Variants in OPHN1 observed in about 807,000 individuals in gnomAD.
OPHN1 encodes oligophrenin-1.
Under a neutral mutation model 60.7 loss-of-function variants are expected in OPHN1, and 11 were observed. The observed-to-expected ratio is 0.18, with a 90% confidence interval of 0.11 to 0.30. The LOEUF (loss-of-function observed/expected upper bound fraction) is 0.30, where lower values mean the gene tolerates loss of function less well. Ranked by LOEUF, OPHN1 falls within the 10% of genes least tolerant of loss-of-function variation. OPHN1 has a pLI of 1.00. For missense variants in OPHN1, 449 were observed against 611.0 expected (o/e 0.73, Z 2.80); for synonymous variants, 226 against 222.6 (o/e 1.02, Z -0.14).
chrX:68,168,833 T>C (rs1402731052), intron 15 of OPHN1, among the ~76,000 whole-genome samples: 1 of 110,805 alleles, frequency 9.0e-6, no homozygotes, highest in Non-Finnish European at 1.9e-5. Flanking sequence ...TCACCACCAA[T>C]CCCACAGAAA....
chrX:68,184,086 C>T (rs2077450630), intron 15 of OPHN1, among the ~76,000 whole-genome samples: 1 of 111,603 alleles, frequency 9.0e-6, no homozygotes, highest in Non-Finnish European at 1.9e-5. Flanking sequence ...AGAAGATATA[C>T]CTAATGCTAA....
intron 15 of OPHN1, among the ~76,000 whole-genome samples, chrX:68,170,822 A>G (rs79878089): frequency 0.12 from 12,768 of 102,429 alleles, 741 homozygotes; most frequent in African/African-American, 0.18. Context: ...TAGGAGATAT[A>G]CCTAATGCTA....
At chrX:68,084,290 T>C (rs1004383852) in intron 19 of OPHN1, among the ~76,000 whole-genome samples, 21 of 83,702 alleles carry the variant, frequency 2.5e-4, no homozygotes, top group Non-Finnish European at 3.9e-4. Flanking sequence ...TATGTTTCCT[T>C]AGAGAAAGAG....
chrX:68,067,937 T>C lies in OPHN1; in HGVS notation c.1835-3760A>G, dbSNP rs375611770. Among the ~76,000 whole-genome samples the C allele has an allele frequency of 1.3e-4, 15 of 111,809 alleles. No individual in the cohort carries two copies. The East Asian group carries it at 4.0e-3, about 29-fold the overall frequency. On this transcript the variant is annotated intron_variant, in intron 20 of 24. Coordinates refer to ENST00000355520, the MANE Select transcript of OPHN1 (RefSeq NM_002547.3). ...TAGGATAAGATAGATGAGTGCAAAT[T>C]GTTCTGTCATTTAGTAGCTGTGTTA...
chrX:68,083,054 CTTTTTTTTTTTT>C (rs869083899), intron 19 of OPHN1, among the ~76,000 whole-genome samples: 26 of 37,454 alleles, frequency 6.9e-4, no homozygotes, highest in African/African-American at 1.5e-3. Flanking sequence ...CTGCTAGTTT[CTTTTTTTTTTTT>C]TTTTTTTTTT....
At chrX:68,264,430 T>C (rs2077911424) in intron 5 of OPHN1, among the ~76,000 whole-genome samples, 1 of 110,857 alleles carries the variant, frequency 9.0e-6, no homozygotes, top group South Asian at 3.8e-4. Context: ...AACAACCCCA[T>C]CAAAAAGTGA....
intron 10 of OPHN1, among the ~76,000 whole-genome samples, chrX:68,204,037 A>G (rs2077547644): frequency 8.9e-6 from 1 of 112,693 alleles, no homozygotes; most frequent in South Asian, 3.6e-4. Flanking sequence ...TTAGTGCTCA[A>G]TGAATGTTTA....
At chrX:68,239,276 T>C (rs958709116) in intron 5 of OPHN1, among the ~76,000 whole-genome samples, 3 of 111,385 alleles carry the variant, frequency 2.7e-5, no homozygotes, top group African/African-American at 9.9e-5. Context: ...GCCGGTGTCC[T>C]CCTGGTATCT....
chrX:68,124,975 A>C (rs906619829), intron 15 of OPHN1, among the ~76,000 whole-genome samples: 1 of 111,766 alleles, frequency 8.9e-6, no homozygotes, highest in Non-Finnish European at 1.9e-5. Flanking sequence ...ACATTCAAAA[A>C]AACTGAAATA....
At chrX:68,274,605 G>C in intron 5 of OPHN1, 133 bp downstream of exon 5, 2 of 457,572 alleles carry the variant, frequency 4.4e-6, no homozygotes. Context: ...ATTTTGCACA[G>C]TTTAGGAGGC....
intron 15 of OPHN1, among the ~76,000 whole-genome samples, chrX:68,133,676 T>C (rs779251725): frequency 8.9e-6 from 1 of 112,330 alleles, no homozygotes; most frequent in South Asian, 3.7e-4. Flanking sequence ...TGTGATAGAT[T>C]TTCCAAAACA....
At chrX:68,381,525 C>T (rs937825658) in intron 2 of OPHN1, among the ~76,000 whole-genome samples, 1 of 111,685 alleles carries the variant, frequency 9.0e-6, no homozygotes, top group African/African-American at 3.3e-5. Context: ...CCATCTCCAA[C>T]CTATTTCAAG....
At chrX:68,099,048 T>C (rs888890547) in intron 18 of OPHN1, among the ~76,000 whole-genome samples, 1 of 111,549 alleles carries the variant, frequency 9.0e-6, no homozygotes, top group South Asian at 3.8e-4. Context: ...ATATGTGAGC[T>C]CTTCTAAGCT....
intron 15 of OPHN1, among the ~76,000 whole-genome samples, chrX:68,163,282 A>ATT (rs199572593): frequency 1.8e-5 from 2 of 109,849 alleles, no homozygotes; most frequent in Non-Finnish European, 3.8e-5. Context: ...AAACCACTGA[A>ATT]TTTTTTTTTG....
chrX:68,118,411 A>G (rs2077136507), intron 16 of OPHN1, among the ~76,000 whole-genome samples: 1 of 111,963 alleles, frequency 8.9e-6, no homozygotes, highest in Admixed American at 9.5e-5. Context: ...AGTTTATGGA[A>G]AGCTCTAAGA....
chrX:68,383,598 GAAAAAAAAAAAAAAA>G (rs10591078), intron 2 of OPHN1, among the ~76,000 whole-genome samples: 1 of 22,366 alleles, frequency 4.5e-5, no homozygotes, highest in African/African-American at 1.7e-4. Context: ...CTCCATCCCA[GAAAAAAAAAAAAAAA>G]AAAAAAAAAA....
At chrX:68,180,737 T>C (rs1309429981) in intron 15 of OPHN1, among the ~76,000 whole-genome samples, 1 of 111,874 alleles carries the variant, frequency 8.9e-6, no homozygotes, top group African/African-American at 3.2e-5. Flanking sequence ...TTCTATTTAA[T>C]ACTTTGCATT....
chrX:68,245,733 C>T (rs905197778), intron 5 of OPHN1, among the ~76,000 whole-genome samples: 1 of 112,580 alleles, frequency 8.9e-6, no homozygotes, highest in Non-Finnish European at 1.9e-5. Flanking sequence ...GTGAATCACA[C>T]CCTCCATTGA....
At chrX:68,349,215 A>C (rs1241913867) in intron 2 of OPHN1, among the ~76,000 whole-genome samples, 1 of 111,532 alleles carries the variant, frequency 9.0e-6, no homozygotes, top group African/African-American at 3.3e-5. Context: ...ACAAGAAAAA[A>C]AAACAAACAA....
Sources: allele counts gnomAD v4.1 joint callset (sites outside exome capture counted in the v4.1 genomes callset), GRCh38; gene constraint gnomAD v4.1.1; transcripts MANE v1.5; gene names NCBI Gene and HGNC (gene_info 2026-07-23, HGNC 2026-07-21).